Variants in KCNIP4 observed in about 807,000 individuals in gnomAD.
The protein encoded by KCNIP4 is Kv channel-interacting protein 4.
KCNIP4 carries 12 observed loss-of-function variants against 34.0 expected under a neutral mutation model. The observed-to-expected ratio is 0.35, with a 90% confidence interval of 0.23 to 0.57. The LOEUF (loss-of-function observed/expected upper bound fraction) is 0.57. Ranked by LOEUF, KCNIP4 falls within the 20% of genes least tolerant of loss-of-function variation. The pLI, the probability that KCNIP4 is intolerant of heterozygous loss-of-function variation, is 0.83. For missense variants in KCNIP4, 238 were observed against 311.7 expected, an observed-to-expected ratio of 0.76 and a Z score of 1.78; for synonymous variants, 124 against 102.2, an observed-to-expected ratio of 1.21 and a Z score of -1.29.
intron 1 of KCNIP4, among the ~76,000 whole-genome samples, chr4:21,872,663 A>G (rs1047801673): frequency 1.3e-5 from 2 of 152,184 alleles, no homozygotes; most frequent in Non-Finnish European, 2.9e-5. Context: ...GTTACCATGA[A>G]TGTATTTCAC....
At chr4:21,293,283 G>A (rs527989299) in intron 1 of KCNIP4, among the ~76,000 whole-genome samples, 1 of 152,288 alleles carries the variant, frequency 6.6e-6, no homozygotes, top group Non-Finnish European at 1.5e-5. Flanking sequence ...GAAGCTCAAA[G>A]GAGTCAAGTA....
intron 1 of KCNIP4, among the ~76,000 whole-genome samples, chr4:21,357,263 C>T (rs1458194937): frequency 6.6e-6 from 1 of 152,074 alleles, no homozygotes; most frequent in Non-Finnish European, 1.5e-5. Context: ...TGGGCAAAGA[C>T]TTCATGACTA....
intron 1 of KCNIP4, among the ~76,000 whole-genome samples, chr4:21,817,666 G>T (rs1722070046): frequency 6.6e-6 from 1 of 152,204 alleles, no homozygotes; most frequent in Non-Finnish European, 1.5e-5. Context: ...ATAAACGGCT[G>T]CTCTGGGAAT....
intron 1 of KCNIP4, among the ~76,000 whole-genome samples, chr4:21,381,159 G>C (rs1403417085): frequency 2.0e-5 from 3 of 152,158 alleles, no homozygotes; most frequent in Non-Finnish European, 4.4e-5. Flanking sequence ...TGAGAGAAGG[G>C]ACGAGATGTC....
rs1399746320 is a variant in KCNIP4, at chr4:21,607,228, C to T, written c.61+341343G>A. The stretch of plus-strand genomic sequence containing the variant: ...GGACTAATGACACAGTCTCTCCACG[C>T]CTCAGTTTCCTCAACTGTAAACCAC... On this transcript the variant is annotated intron_variant, in intron 1 of 8. Transcript: ENST00000382152. Among the ~76,000 whole-genome samples the T allele has an allele frequency of 7.9e-5, 12 of 152,158 alleles. No individual in the cohort carries two copies. In the South Asian group the frequency reaches 2.3e-3, roughly 29 times the overall value.
chr4:21,199,160 A>G (rs754680122), intron 1 of KCNIP4, among the ~76,000 whole-genome samples: 4 of 152,198 alleles, frequency 2.6e-5, no homozygotes, highest in Non-Finnish European at 4.4e-5. Context: ...TAACTTCCAC[A>G]ATGGATGAAC....
At chr4:21,477,902 A>G (rs1182470479) in intron 1 of KCNIP4, among the ~76,000 whole-genome samples, 1 of 152,146 alleles carries the variant, frequency 6.6e-6, no homozygotes, top group Non-Finnish European at 1.5e-5. Context: ...CTGATTTATT[A>G]TAACTTTCAT....
chr4:21,512,878 C>T (rs1425656911), intron 1 of KCNIP4, among the ~76,000 whole-genome samples: 3 of 152,126 alleles, frequency 2.0e-5, no homozygotes, highest in Admixed American at 6.6e-5. Flanking sequence ...TGCAGCAAAC[C>T]TTTATTAAAC....
chr4:21,810,104 C>G (rs1721535092), intron 1 of KCNIP4, among the ~76,000 whole-genome samples: 1 of 152,048 alleles, frequency 6.6e-6, no homozygotes, highest in Admixed American at 6.6e-5. Flanking sequence ...AGAAAGACAC[C>G]ATGAAGGTTG....
intron 1 of KCNIP4, among the ~76,000 whole-genome samples, chr4:21,297,364 T>G (rs1419320922): frequency 6.6e-6 from 1 of 152,120 alleles, no homozygotes; most frequent in Non-Finnish European, 1.5e-5. Flanking sequence ...TCCCTCAGCC[T>G]GATAGTTCTT....
intron 1 of KCNIP4, among the ~76,000 whole-genome samples, chr4:21,336,548 A>C (rs1342980664): frequency 6.6e-6 from 1 of 152,182 alleles, no homozygotes; most frequent in Non-Finnish European, 1.5e-5. Flanking sequence ...CCCAGTTGCC[A>C]ATTTGATTCT....
At chr4:21,822,520 T>A (rs1722417643) in intron 1 of KCNIP4, among the ~76,000 whole-genome samples, 2 of 152,190 alleles carry the variant, frequency 1.3e-5, no homozygotes, top group Admixed American at 1.3e-4. Context: ...TATCTCTTGT[T>A]AGTTTCTAAC....
In KCNIP4 at chr4:20,944,925, A is replaced by G. The variant is rs143457270; in HGVS notation, c.62-62216T>C. On this transcript the variant is annotated intron_variant, in intron 1 of 8. Coordinates refer to ENST00000382152, the MANE Select transcript of KCNIP4 (RefSeq NM_025221.6). The stretch of plus-strand genomic sequence containing the variant: ...AGTTAGATCTCCATGAACCAGTTCA[A>G]TCAGACTTAATAACTTCCCCAATGA... Among the ~76,000 whole-genome samples, 593 of 152,346 alleles carry G rather than the reference A, an allele frequency of 3.9e-3. 7 individuals are homozygous for G. The highest frequency in any genetic ancestry group is 0.014 in the African/African-American group (569 of 41,584).
At chr4:20,876,435 G>T (rs1343862296) in intron 2 of KCNIP4, among the ~76,000 whole-genome samples, 1 of 152,142 alleles carries the variant, frequency 6.6e-6, no homozygotes, top group Non-Finnish European at 1.5e-5. Context: ...ATAAAGTATA[G>T]TAGCTAGGAA....
At chr4:20,966,696 C>G (rs1197576547) in intron 1 of KCNIP4, among the ~76,000 whole-genome samples, 1 of 152,098 alleles carries the variant, frequency 6.6e-6, no homozygotes, top group Non-Finnish European at 1.5e-5. Flanking sequence ...TATTCAAAAT[C>G]AGCATAAAGA....
At chr4:21,185,190 C>T (rs1242638795) in intron 1 of KCNIP4, among the ~76,000 whole-genome samples, 1 of 152,038 alleles carries the variant, frequency 6.6e-6, no homozygotes, top group Non-Finnish European at 1.5e-5. Flanking sequence ...GAGAAGACTC[C>T]ATCTTCCTAT....
intron 1 of KCNIP4, among the ~76,000 whole-genome samples, chr4:21,518,666 A>G (rs996310066): frequency 2.0e-5 from 3 of 152,094 alleles, no homozygotes; most frequent in African/African-American, 4.8e-5. Flanking sequence ...TGTATCAGGA[A>G]TGGGGTTCTA....
intron 1 of KCNIP4, among the ~76,000 whole-genome samples, chr4:21,529,344 C>G (rs1196372950): frequency 1.3e-5 from 2 of 152,094 alleles, no homozygotes; most frequent in Non-Finnish European, 2.9e-5. Flanking sequence ...ACAGCTCACT[C>G]AGTGACGGAA....
chr4:21,493,050 T>C (rs1333405596), intron 1 of KCNIP4, among the ~76,000 whole-genome samples: 1 of 152,192 alleles, frequency 6.6e-6, no homozygotes, highest in Non-Finnish European at 1.5e-5. Flanking sequence ...TTTTGTTATG[T>C]GGCACACCTT....
Sources: allele counts gnomAD v4.1 joint callset (sites outside exome capture counted in the v4.1 genomes callset), GRCh38; gene constraint gnomAD v4.1.1; transcripts MANE v1.5; gene names NCBI Gene and HGNC (gene_info 2026-07-23, HGNC 2026-07-21).